Variants in ATP11C observed in about 807,000 individuals in gnomAD.
ATP11C encodes ATPase phospholipid transporting 11C (ATP11C blood group).
In ATP11C, 36 loss-of-function variants were observed where a neutral mutation model predicts 97.4. The observed-to-expected ratio is 0.37, with a 90% confidence interval of 0.28 to 0.49. ATP11C has a LOEUF of 0.49. Among genes scored for constraint, ATP11C ranks in the 20% least tolerant of loss-of-function variants. The probability of loss-of-function intolerance (pLI) is 0.98; values close to 1 mark genes in which losing one functional copy is unlikely to be tolerated. For missense variants in ATP11C, 730 were observed against 824.6 expected (o/e 0.89, Z 1.40); for synonymous variants, 275 against 290.9 (o/e 0.95, Z 0.56).
At chrX:139,800,244 A>G (rs1316735352) in intron 7 of ATP11C, 134 bp from the exon 8 acceptor site, 1 of 462,431 alleles carries the variant, frequency 2.2e-6, no homozygotes, top group Non-Finnish European at 3.7e-6. Context: ...ACAAAAGCCT[A>G]TTATATTTCT....
At chrX:139,825,854 A>T (rs1274617777) in intron 2 of ATP11C, among the ~76,000 whole-genome samples, 1 of 112,460 alleles carries the variant, frequency 8.9e-6, no homozygotes, top group Admixed American at 9.4e-5. Flanking sequence ...TCCATTCTAT[A>T]AGAGATGGCA....
At chrX:139,823,808 A>C (rs1476852297) in intron 2 of ATP11C, among the ~76,000 whole-genome samples, 1 of 112,288 alleles carries the variant, frequency 8.9e-6, no homozygotes, top group Non-Finnish European at 1.9e-5. Flanking sequence ...AAAACCAAAA[A>C]TAAACAAACG....
chrX:139,819,712 T>C (rs2083363030), intron 2 of ATP11C, among the ~76,000 whole-genome samples: 1 of 112,760 alleles, frequency 8.9e-6, no homozygotes, highest in Non-Finnish European at 1.9e-5. Context: ...TTATGTGTTC[T>C]CATGTCACCC....
intron 25 of ATP11C, 59 bp downstream of exon 25, chrX:139,745,663 T>A: frequency 1.8e-6 from 2 of 1,142,017 alleles, no homozygotes; most frequent in East Asian, 3.0e-5. Flanking sequence ...CCAGCACCTA[T>A]GGGAAAAAGA....
chrX:139,852,827 G>T (rs747391030), intron 1 of ATP11C, among the ~76,000 whole-genome samples: 1 of 110,960 alleles, frequency 9.0e-6, no homozygotes, highest in Non-Finnish European at 1.9e-5. Flanking sequence ...GACAGCACGA[G>T]TGGGAAGTGT....
At chrX:139,933,982 T>C (rs1317507845), upstream of ATP11C, among the ~76,000 whole-genome samples, 2 of 111,639 alleles carry the variant, frequency 1.8e-5, no homozygotes, top group African/African-American at 3.3e-5. Flanking sequence ...GAGAGCGACA[T>C]TGCATCTGAA....
upstream of ATP11C, among the ~76,000 whole-genome samples, chrX:139,934,644 C>T (rs1481057340): frequency 9.4e-6 from 1 of 105,911 alleles, no homozygotes; most frequent in Admixed American, 1.0e-4. Context: ...CCTCTGCCTC[C>T]TGGGTTCAAG....
chrX:139,867,333 A>G (rs1001848388), intron 1 of ATP11C, among the ~76,000 whole-genome samples: 1 of 109,814 alleles, frequency 9.1e-6, no homozygotes, highest in Non-Finnish European at 1.9e-5. Context: ...AGAACAATAA[A>G]TCAAGGAAGG....
intron 1 of ATP11C, among the ~76,000 whole-genome samples, chrX:139,872,453 C>T (rs1028506663): frequency 4.5e-5 from 5 of 110,637 alleles, no homozygotes; most frequent in African/African-American, 1.7e-4. Context: ...TGTTGGTGTG[C>T]TGCACCCCTT....
At chrX:139,823,563 T>G (rs1285861267) in intron 2 of ATP11C, among the ~76,000 whole-genome samples, 1 of 112,214 alleles carries the variant, frequency 8.9e-6, no homozygotes, top group Non-Finnish European at 1.9e-5. Flanking sequence ...TGGTTTAGCA[T>G]TAAAAATGCA....
chrX:139,853,499 A>G (rs1482656912), intron 1 of ATP11C, among the ~76,000 whole-genome samples: 2 of 110,743 alleles, frequency 1.8e-5, no homozygotes, highest in African/African-American at 6.6e-5. Context: ...AGAGATATAC[A>G]AGTAGTTAAG....
chrX:139,911,393 A>G (rs1334842556), intron 1 of ATP11C, among the ~76,000 whole-genome samples: 1 of 112,255 alleles, frequency 8.9e-6, no homozygotes, highest in African/African-American at 3.2e-5. Flanking sequence ...ATTAGTAATC[A>G]GAGAAATGCA....
intron 12 of ATP11C, among the ~76,000 whole-genome samples, chrX:139,792,176 C>T (rs1175028968): frequency 9.1e-6 from 1 of 110,399 alleles, no homozygotes; most frequent in Non-Finnish European, 1.9e-5. Flanking sequence ...ATCATCCCCA[C>T]ATAATGAAGC....
rs1690863306 is a variant in ATP11C, at chrX:139,798,287, A to C, written c.843T>G (p.Arg281=). 1 of 1,205,282 alleles carries C rather than the reference A, an allele frequency of 8.3e-7. No homozygotes were observed. The highest frequency in any genetic ancestry group is 2.2e-5 in the Admixed American group (1 of 44,867). Residue 281 remains arginine, a synonymous_variant, in exon 10 of 30, where the codon CGT becomes CGG. Transcript: ENST00000682941. ...CGCATACTAACTTTTCAACAGCAGAACGTTTCTGAGATTTCCCTTGGTAGT... is the reference window on the plus strand; with the variant it reads ...CGCATACTAACTTTTCAACAGCAGACCGTTTCTGAGATTTCCCTTGGTAGT... ...ALNYQGKSQK[R]SAVEKSINAF...
chrX:139,752,829 G>GCAT (rs1329463929), intron 23 of ATP11C, among the ~76,000 whole-genome samples: 1 of 111,940 alleles, frequency 8.9e-6, no homozygotes, highest in South Asian at 3.7e-4. Context: ...AATACAAGAA[G>GCAT]GTTGATGGCA....
At chrX:139,905,605 T>G (rs767210452) in intron 1 of ATP11C, among the ~76,000 whole-genome samples, 2 of 111,819 alleles carry the variant, frequency 1.8e-5, no homozygotes, top group Non-Finnish European at 3.8e-5. Context: ...GGAAGGGGAT[T>G]AGAGAAAAAA....
At chrX:139,874,903 A>G (rs2084443963) in intron 1 of ATP11C, among the ~76,000 whole-genome samples, 1 of 111,598 alleles carries the variant, frequency 9.0e-6, no homozygotes, top group Non-Finnish European at 1.9e-5. Context: ...TGGGGCATGA[A>G]TCTTGACATC....
chrX:139,755,883 AC>A (rs1379979318), intron 23 of ATP11C, among the ~76,000 whole-genome samples: 8 of 112,394 alleles, frequency 7.1e-5, no homozygotes, highest in Non-Finnish European at 1.5e-4. Context: ...CTGGAAGATA[AC>A]CTAGGATATA....
chrX:139,885,059 C>A (rs1327363951), intron 1 of ATP11C, among the ~76,000 whole-genome samples: 1 of 110,831 alleles, frequency 9.0e-6, no homozygotes, highest in Non-Finnish European at 1.9e-5. Flanking sequence ...ATCTAAAAGC[C>A]CAGATTTTAG....
Sources: allele counts gnomAD v4.1 joint callset (sites outside exome capture counted in the v4.1 genomes callset), GRCh38; gene constraint gnomAD v4.1.1; transcripts MANE v1.5; gene names NCBI Gene and HGNC (gene_info 2026-07-23, HGNC 2026-07-21).